Variants in NRL observed in about 807,000 individuals in gnomAD.
NRL encodes the protein neural retina leucine zipper.
A neutral mutation model predicts 12.5 loss-of-function variants in NRL; 16 were observed. The observed-to-expected ratio is 1.28, with a 90% CI of 0.87 to 1.95. NRL has a LOEUF of 1.95. Ranked by LOEUF, NRL falls within the 30% of genes most tolerant of loss-of-function variation. The probability of loss-of-function intolerance (pLI) is 0.00; values close to 1 mark genes in which losing one functional copy is unlikely to be tolerated. For missense variants in NRL, 314 were observed against 325.8 expected (o/e 0.96, Z 0.28); for synonymous variants, 142 against 150.9 (o/e 0.94, Z 0.43).
At chr14:24,106,480 G>C (rs2037340449) in intron 1 of NRL, among the ~76,000 whole-genome samples, 1 of 152,148 alleles carries the variant, frequency 6.6e-6, no homozygotes, top group Non-Finnish European at 1.5e-5. Flanking sequence ...TCACACTTTG[G>C]GAGGCCGAGG....
chr14:24,088,585 T>C (rs1194583236), intron 1 of NRL, among the ~76,000 whole-genome samples: 2 of 152,144 alleles, frequency 1.3e-5, no homozygotes, highest in Admixed American at 6.5e-5. Flanking sequence ...TATGTATTTG[T>C]CAATATATTT....
At chr14:24,098,364 A>G (rs1308638287) in intron 1 of NRL, 1 of 1,613,052 alleles carries the variant, frequency 6.2e-7, no homozygotes, top group African/African-American at 1.3e-5. Context: ...GCTGTGGATG[A>G]GAGGTTTCCA....
intron 1 of NRL, chr14:24,110,406 T>A: frequency 4.0e-6 from 1 of 251,938 alleles, no homozygotes. Context: ...ACCACGCCTA[T>A]TATACTTTCT....
At position 24,103,648 on chromosome 14, in the gene NRL, G is replaced by A. The variant is rs528726822; in HGVS notation, c.-28+11074C>T. 152 of 1,614,188 alleles carry A rather than the reference G, an allele frequency of 9.4e-5. No homozygotes were observed. The highest frequency in any genetic ancestry group is 1.1e-4 in the Non-Finnish European group (131 of 1,180,020). On this transcript the variant is annotated intron_variant, in intron 1 of 2. Coordinates refer to ENST00000561028, the MANE Select transcript of NRL (RefSeq NM_001354768.3). ...CGTATCTTCCATGTCAACTGGTTCC[G>A]GCGTGACGAGGCAGGGCACTTCCTG...
At chr14:24,108,947 G>C (rs1209629001) in intron 1 of NRL, among the ~76,000 whole-genome samples, 1 of 152,214 alleles carries the variant, frequency 6.6e-6, no homozygotes, top group Admixed American at 6.5e-5. Context: ...GTTAGCTAGA[G>C]AATGAAAACA....
chr14:24,102,810 G>A, intron 1 of NRL: 2 of 1,613,842 alleles, frequency 1.2e-6, no homozygotes, highest in Non-Finnish European at 1.7e-6. Context: ...GCTCGCCAGT[G>A]CCCCATCATG....
rs557189332 is a variant in NRL, at chr14:24,094,585, C to T, written c.-27-11710G>A. Reference sequence around the variant, plus strand: ...GGCGACTGCTGTGGGTCCAGCCTCCCGCGCCGCGCGTCTCTTGGGAGGGCA... The same window carrying T: ...GGCGACTGCTGTGGGTCCAGCCTCCTGCGCCGCGCGTCTCTTGGGAGGGCA... On this transcript the variant is annotated intron_variant, in intron 1 of 2. Transcript: ENST00000561028. The surrounding 1 kb of genome is among the most constrained non-coding windows in gnomAD (Gnocchi z 4.1). The T allele has an allele frequency of 6.9e-7, 1 of 1,451,232 alleles. No homozygotes were observed. Among genetic ancestry groups the T allele is most frequent in the South Asian group, 1.4e-5 (1 of 69,788 alleles). 89.9% of individuals were successfully genotyped at this position (1,451,232 alleles called of 1,614,324 possible). A position where few individuals can be genotyped will look rare whatever the true frequency, so the allele number is the denominator to read the frequency against.
At position 24,079,847 on chromosome 14, in the gene NRL, C is replaced by T. The variant is rs2036226025; in HGVS notation, c.*1389G>A. On this transcript the variant is annotated 3_prime_UTR_variant, in exon 3 of 3. Coordinates refer to ENST00000561028, the MANE Select transcript of NRL (RefSeq NM_001354768.3). ...CTGCTGAACTGGAGGACTGGGTTAC[C>T]ATGGAAACTGTGAGACCTGGATAGC... Among the ~76,000 whole-genome samples, 1 of 152,196 alleles carries T rather than the reference C, an allele frequency of 6.6e-6. No homozygotes were observed. The highest frequency in any genetic ancestry group is 6.5e-5 in the Admixed American group (1 of 15,288).
In NRL at chr14:24,094,646, C is replaced by A. The variant is rs1002966879; in HGVS notation, c.-27-11771G>T. ...GCTCCTCGTTTCCGCCTGCACCTCC[C>A]CTTCTCTGCCTCGCTCGCCTCTGAC... is the stretch of plus-strand genomic sequence containing the variant. On this transcript the variant is annotated intron_variant, in intron 1 of 2. Coordinates refer to ENST00000561028, the MANE Select transcript of NRL (RefSeq NM_001354768.3). The surrounding 1 kb of genome is among the most constrained non-coding windows in gnomAD (Gnocchi z 4.1). 1 of 1,491,656 alleles carries A rather than the reference C, an allele frequency of 6.7e-7. No individual in the cohort carries two copies. The highest frequency in any genetic ancestry group is 1.4e-5 in the African/African-American group (1 of 72,054). The allele number at this position is 1,491,656 out of a possible 1,614,324, so 92.4% of individuals were successfully genotyped here.
chr14:24,106,715 T>G (rs911559615), intron 1 of NRL, among the ~76,000 whole-genome samples: 10 of 141,838 alleles, frequency 7.1e-5, no homozygotes, highest in Admixed American at 2.1e-4. Flanking sequence ...AGTGAGACTC[T>G]GTCTCAAAAA....
Position 24,081,380 on chromosome 14 carries a change from C to G in NRL, c.570G>C (p.Glu190Asp). 6.9e-7 allele frequency: 1 copy of G among 1,440,536 alleles called. No individual in the cohort carries two copies. Among genetic ancestry groups the G allele is most frequent in the East Asian group, 3.0e-5 (1 of 33,622 alleles). 89.2% of individuals were successfully genotyped at this position (1,440,536 alleles called of 1,614,324 possible). ...RLQQRRGLEA[E>D]RARLAAQLDA... is the part of the protein sequence containing the mutation. The stretch of plus-strand genomic sequence containing the variant: ...CCAGCTGGGCGGCCAGGCGGGCGCG[C>G]TCGGCCTCCAGCCCGCGCCGCTGCT... Residue 190 changes from glutamate (E) to aspartate (D), a missense_variant, in exon 3 of 3, where the codon GAG becomes GAC. Glu to Asp is a conservative substitution (Grantham distance 45). Transcript: ENST00000561028. The surrounding 1 kb of genome is among the most constrained non-coding windows in gnomAD (Gnocchi z 4.4).
Position 24,114,784 on chromosome 14 carries a change from G to A in NRL, c.-90C>T, listed in dbSNP as rs940217061. 5 of 985,842 alleles carry A rather than the reference G, an allele frequency of 5.1e-6. No homozygotes were observed. The East Asian group carries it at 4.5e-4, about 89-fold the overall frequency. 61.1% of individuals were successfully genotyped at this position (985,842 alleles called of 1,614,324 possible). On this transcript the variant is annotated 5_prime_UTR_variant, in exon 1 of 3. The change creates a new upstream start codon in the 5' untranslated region. Coordinates refer to ENST00000561028, the MANE Select transcript of NRL (RefSeq NM_001354768.3). ...CAAGGGGGCGGGGCCGTCGTGTGAC[G>A]TTTGCAGCCCGCCGGCCAGGAAGCC... is the stretch of plus-strand genomic sequence containing the variant.
At position 24,094,863 on chromosome 14, in the gene NRL, G is replaced by A; in HGVS notation, c.-27-11988C>T. On this transcript the variant is annotated intron_variant, in intron 1 of 2. Transcript: ENST00000561028. This position sits in a 1 kb window ranked among gnomAD's most constrained non-coding sequence, Gnocchi z 4.1. ...GGACAAGGGTACGTGAGCCCCGGGA[G>A]ACTAAGCTCAGAGCCCCCTAAAGAA... 1 of 1,302,328 alleles carries A rather than the reference G, an allele frequency of 7.7e-7. No homozygotes were observed. Among genetic ancestry groups the A allele is most frequent in the Admixed American group, 2.3e-5 (1 of 43,956 alleles). 80.7% of individuals were successfully genotyped at this position (1,302,328 alleles called of 1,614,324 possible).
intron 1 of NRL, chr14:24,084,405 TG>T: frequency 3.6e-6 from 1 of 278,784 alleles, no homozygotes; most frequent in Non-Finnish European, 5.4e-6. Flanking sequence ...AGGGTGGGAG[TG>T]GAGTAGGGTA....
In NRL at chr14:24,104,937, A is replaced by C. The variant is rs538216710; in HGVS notation, c.-28+9785T>G. ...GGCACTGCTGAGACCAGCTCTGTCA[A>C]GGAGACCCTAACCCAGCAGTGCTAG... On this transcript the variant is annotated intron_variant, in intron 1 of 2. Transcript: ENST00000561028. Among the ~76,000 whole-genome samples the C allele has an allele frequency of 3.9e-5, 6 of 152,324 alleles. No individual in the cohort carries two copies. The East Asian group carries it at 1.2e-3, about 29-fold the overall frequency.
At position 24,114,914 on chromosome 14, in the gene NRL, G is replaced by A. The variant is rs2037505450; in HGVS notation, c.-220C>T. 3.0e-6 allele frequency: 3 copies of A among 985,966 alleles called. No individual in the cohort carries two copies. The highest frequency in any genetic ancestry group is 3.6e-6 in the Non-Finnish European group (3 of 829,968). 61.1% of individuals were successfully genotyped at this position (985,966 alleles called of 1,614,324 possible). A position where few individuals can be genotyped will look rare whatever the true frequency, so the allele number is the denominator to read the frequency against. On this transcript the variant is annotated 5_prime_UTR_variant, in exon 1 of 3. Transcript: ENST00000561028. ...TCGCGCCGCTGCGGGTCCTGCGACCGCTCCTGGCTGGTGGGTGGTCTCGCG... is the reference window on the plus strand; with the variant it reads ...TCGCGCCGCTGCGGGTCCTGCGACCACTCCTGGCTGGTGGGTGGTCTCGCG...
chr14:24,103,234 A>C, intron 1 of NRL: 8 of 1,613,860 alleles, frequency 5.0e-6, no homozygotes, highest in Non-Finnish European at 5.1e-6. Context: ...CTCTGAGTCC[A>C]CTGCTGCAGC....
chr14:24,093,025 C>T (rs1368151523), intron 1 of NRL, among the ~76,000 whole-genome samples: 1 of 152,226 alleles, frequency 6.6e-6, no homozygotes, highest in Admixed American at 6.5e-5. Flanking sequence ...AGAGAGGGAT[C>T]TCATGCCCAT....
chr14:24,094,354 C>T lies in NRL; in HGVS notation c.-27-11479G>A, dbSNP rs565058072. The stretch of plus-strand genomic sequence containing the variant: ...CTCCCTCCTTCCCCGCCTTCCATAC[C>T]TCCCCGGCTCCGCTCGGTTCCTGGC... On this transcript the variant is annotated intron_variant, in intron 1 of 2. Coordinates refer to ENST00000561028, the MANE Select transcript of NRL (RefSeq NM_001354768.3). This position sits in a 1 kb window ranked among gnomAD's most constrained non-coding sequence, Gnocchi z 4.1. 6.6e-7 allele frequency: 1 copy of T among 1,507,558 alleles called. No individual in the cohort carries two copies. The highest frequency in any genetic ancestry group is 8.9e-7 in the Non-Finnish European group (1 of 1,119,900). 93.4% of individuals were successfully genotyped at this position (1,507,558 alleles called of 1,614,324 possible).
Sources: allele counts gnomAD v4.1 joint callset (sites outside exome capture counted in the v4.1 genomes callset), GRCh38; gene constraint gnomAD v4.1.1; non-coding constraint Gnocchi (gnomAD v3.1); transcripts MANE v1.5; gene names NCBI Gene and HGNC (gene_info 2026-07-23, HGNC 2026-07-21).